The following GPC3 variants were observed in gnomAD, a reference collection of about 807,000 sequenced individuals.
GPC3 encodes glypican-3.
GPC3 carries 3 observed loss-of-function variants against 34.4 expected under a neutral mutation model. The ratio of observed to expected loss-of-function variants is 0.09; its 90% confidence interval spans 0.04 to 0.23. The LOEUF is 0.23. GPC3 is among the 10% of genes least tolerant of loss of function. GPC3 has a pLI of 1.00. For missense variants in GPC3, 351 were observed against 445.6 expected (o/e 0.79, Z 1.91); for synonymous variants, 177 against 174.0 (o/e 1.02, Z -0.13).
chrX:133,682,133 C>T (rs752455242), intron 5 of GPC3, among the ~76,000 whole-genome samples: 1 of 111,524 alleles, frequency 9.0e-6, no homozygotes, highest in Non-Finnish European at 1.9e-5. Flanking sequence ...CCCATAATCT[C>T]GGCTACCTAG....
At chrX:133,950,937 C>T (rs1330001860) in intron 2 of GPC3, among the ~76,000 whole-genome samples, 5 of 110,223 alleles carry the variant, frequency 4.5e-5, no homozygotes, top group African/African-American at 6.6e-5. Flanking sequence ...GAATGAGTAC[C>T]GATGGTGACA....
intron 7 of GPC3, among the ~76,000 whole-genome samples, chrX:133,546,174 A>T (rs771777747): frequency 1.8e-5 from 2 of 111,431 alleles, no homozygotes; most frequent in African/African-American, 6.5e-5. Context: ...GCATTCTAGA[A>T]TAACACAGAA....
chrX:133,974,184 A>T (rs2076505207), intron 1 of GPC3, among the ~76,000 whole-genome samples: 1 of 111,416 alleles, frequency 9.0e-6, no homozygotes, highest in Non-Finnish European at 1.9e-5. Context: ...TGAGTCACAG[A>T]AACTGCAGGT....
At chrX:133,793,597 C>G (rs1056466667) in intron 2 of GPC3, among the ~76,000 whole-genome samples, 4 of 111,388 alleles carry the variant, frequency 3.6e-5, no homozygotes, top group Non-Finnish European at 5.6e-5. Context: ...TTTATGAACT[C>G]CAATCTTGCA....
chrX:133,600,218 C>A (rs762316117), intron 6 of GPC3, among the ~76,000 whole-genome samples: 144 of 111,881 alleles, frequency 1.3e-3, no homozygotes, highest in South Asian at 0.012. Context: ...GTTATGGTAT[C>A]TTTAATTCTT....
At chrX:133,619,793 G>T (rs2070210075) in intron 6 of GPC3, among the ~76,000 whole-genome samples, 1 of 110,623 alleles carries the variant, frequency 9.0e-6, no homozygotes, top group African/African-American at 3.3e-5. Flanking sequence ...TTTTAAAAGG[G>T]TGAATTTTAT....
At chrX:133,550,178 G>A (rs1376363373) in intron 7 of GPC3, among the ~76,000 whole-genome samples, 1 of 109,679 alleles carries the variant, frequency 9.1e-6, no homozygotes, top group Non-Finnish European at 1.9e-5. Context: ...ACCATGCCAG[G>A]CTAATTTTGT....
chrX:133,695,476 G>A (rs142806305), intron 4 of GPC3, among the ~76,000 whole-genome samples: 58 of 112,020 alleles, frequency 5.2e-4, no homozygotes, highest in African/African-American at 1.9e-3. Flanking sequence ...GAGAAGAGGT[G>A]AGAAATATGT....
chrX:133,659,864 C>G (rs1249788381), intron 6 of GPC3, among the ~76,000 whole-genome samples: 1 of 111,819 alleles, frequency 8.9e-6, no homozygotes, highest in Non-Finnish European at 1.9e-5. Context: ...TAATTTGTAC[C>G]ACTGTCCCCA....
At chrX:133,567,593 T>C (rs1041465211) in intron 7 of GPC3, among the ~76,000 whole-genome samples, 12 of 111,889 alleles carry the variant, frequency 1.1e-4, no homozygotes, top group African/African-American at 3.2e-4. Context: ...CTCCTGAAAA[T>C]GTGGTCAAAA....
rs1434813051 is a variant in GPC3 at position 133,536,092 on chromosome X, G to A, written c.*32C>T. 1 of 1,130,747 alleles carries A rather than the reference G, an allele frequency of 8.8e-7. No individual in the cohort carries two copies. Among genetic ancestry groups the A allele is most frequent in the Admixed American group, 2.2e-5 (1 of 45,888 alleles). 93.2% of individuals were successfully genotyped at this position (1,130,747 alleles called of 1,213,427 possible). On this transcript the variant is annotated 3_prime_UTR_variant, in exon 8 of 8. Coordinates refer to ENST00000370818, the MANE Select transcript of GPC3 (RefSeq NM_004484.4). ...TTATCGAGGAAGACCACAGGGTGCT[G>A]TAGGGCAGCACATGTGCTGGGCACC...
intron 2 of GPC3, among the ~76,000 whole-genome samples, chrX:133,928,589 C>T (rs1457498497): frequency 8.9e-6 from 1 of 111,986 alleles, no homozygotes; most frequent in Non-Finnish European, 1.9e-5. Flanking sequence ...ACACCCTTGT[C>T]AACACTTGTT....
At chrX:133,861,585 G>A in intron 2 of GPC3, among the ~76,000 whole-genome samples, 1 of 111,442 alleles carries the variant, frequency 9.0e-6, no homozygotes, top group Non-Finnish European at 1.9e-5. Flanking sequence ...GATATAGTTT[G>A]GATATTTGTG....
intron 2 of GPC3, among the ~76,000 whole-genome samples, chrX:133,778,095 C>T (rs2072006283): frequency 8.9e-6 from 1 of 112,454 alleles, no homozygotes; most frequent in Non-Finnish European, 1.9e-5. Context: ...TTGCACACTA[C>T]TAAAGACAGT....
At chrX:133,536,403 T>C (rs1431793355) in intron 7 of GPC3, 110 bp from the exon 8 acceptor site, 12 of 566,095 alleles carry the variant, frequency 2.1e-5, no homozygotes, top group Admixed American at 4.9e-5. Flanking sequence ...TCAGCTTTGA[T>C]TCCCTTTTTT....
chrX:133,896,315 C>T (rs1018762650), intron 2 of GPC3, among the ~76,000 whole-genome samples: 9 of 106,428 alleles, frequency 8.5e-5, no homozygotes, highest in African/African-American at 2.1e-4. Flanking sequence ...GAGCCAAGAT[C>T]GTGCCATTGC....
rs756533039 is a variant in GPC3 at position 133,654,212 on chromosome X, T to G, written c.1413+7518A>C. Reference sequence around the variant, plus strand: ...GTATATGCTATTGTGTTAGGTGCCATGGGATACAAAGAATTAAATGTGTGA... The same window carrying G: ...GTATATGCTATTGTGTTAGGTGCCAGGGGATACAAAGAATTAAATGTGTGA... On this transcript the variant is annotated intron_variant, in intron 6 of 7. Coordinates refer to ENST00000370818, the MANE Select transcript of GPC3 (RefSeq NM_004484.4). Among the ~76,000 whole-genome samples, 5 of 111,311 alleles carry G rather than the reference T, an allele frequency of 4.5e-5. No homozygotes were observed. The South Asian group carries it at 1.9e-3, about 43-fold the overall frequency.
At chrX:133,583,085 G>A (rs2069749588) in intron 7 of GPC3, among the ~76,000 whole-genome samples, 1 of 111,811 alleles carries the variant, frequency 8.9e-6, no homozygotes, top group Admixed American at 9.5e-5. Context: ...TAGGAAAATA[G>A]TTGCAGAAAA....
chrX:133,830,512 T>C (rs73567059), intron 2 of GPC3, among the ~76,000 whole-genome samples: 8,683 of 107,951 alleles, frequency 0.08, 599 homozygotes, highest in African/African-American at 0.22. Flanking sequence ...ACTCCATCTC[T>C]ACCAAAAGTA....
Sources: gnomAD v4.1 joint callset for allele counts (sites outside exome capture counted in the v4.1 genomes callset) on GRCh38, gnomAD v4.1.1 for gene constraint, MANE v1.5 for transcripts, NCBI Gene and HGNC (gene_info 2026-07-23, HGNC 2026-07-21) for gene names.